The following PLEKHM2 variants were observed in gnomAD, a reference collection of about 807,000 sequenced individuals.
PLEKHM2 encodes the protein pleckstrin homology domain-containing family M member 2.
In PLEKHM2, 77 loss-of-function variants were observed where a neutral mutation model predicts 116.3. The ratio of observed to expected loss-of-function variants is 0.66; its 90% CI spans 0.55 to 0.80. The LOEUF (loss-of-function observed/expected upper bound fraction) is 0.80. Ranked by LOEUF, PLEKHM2 falls within the 30% of genes least tolerant of loss-of-function variation. The pLI, the probability that PLEKHM2 is intolerant of heterozygous loss-of-function variation, is 0.00. For missense variants in PLEKHM2, 1,183 were observed against 1,354.9 expected, an observed-to-expected ratio of 0.87 and a Z score of 1.99; for synonymous variants, 562 against 571.0, an observed-to-expected ratio of 0.98 and a Z score of 0.22.
At chr1:15,720,090 G>A (rs550750476) in intron 6 of PLEKHM2, among the ~76,000 whole-genome samples, 170 bp downstream of exon 6, 2 of 150,506 alleles carry the variant, frequency 1.3e-5, no homozygotes, top group South Asian at 2.1e-4. Flanking sequence ...AGTCCCTGTG[G>A]TGGCTAAAAA....
rs1057217604 is a variant in PLEKHM2 at position 15,727,724 on chromosome 1, G to T, written c.1652G>T (p.Cys551Phe). The T allele has an allele frequency of 6.3e-7, 1 of 1,598,032 alleles. No individual in the cohort carries two copies. The highest frequency in any genetic ancestry group is 1.1e-5 in the South Asian group (1 of 88,174). The change falls in exon 9 of 20, where the codon TGC (cysteine) becomes TTC (phenylalanine). Residue 551 changes from cysteine to phenylalanine, a missense_variant. Transcript: ENST00000375799. This position sits in a 1 kb window ranked among gnomAD's most constrained non-coding sequence, Gnocchi z 7.5. ...EPEPGTQEVL[C>F]QLKRDQPSPC... ...GAGCCTGGGACCCAGGAGGTTCTCT[G>T]CCAGCTCAAGCGAGACCAGCCCAGC...
chr1:15,705,234 A>G (rs1641202304), intron 1 of PLEKHM2, among the ~76,000 whole-genome samples: 1 of 128,948 alleles, frequency 7.8e-6, no homozygotes, highest in Non-Finnish European at 1.5e-5. Flanking sequence ...GTTGGAGTGC[A>G]GTGGTGCAAT....
rs1641438569 is a variant in PLEKHM2 at position 15,716,179 on chromosome 1, C to T, written c.61-58C>T. 3.6e-6 allele frequency: 4 copies of T among 1,099,612 alleles called. No individual in the cohort carries two copies. In the East Asian group the frequency reaches 7.7e-5, roughly 21 times the overall value. 68.1% of individuals were successfully genotyped at this position (1,099,612 alleles called of 1,614,324 possible). A position where few individuals can be genotyped will look rare whatever the true frequency, so the allele number is the denominator to read the frequency against. On this transcript the variant is annotated intron_variant, in intron 1 of 19. Transcript: ENST00000375799. ...TTTAGCTACCTTCTTGATTCCAGAA[C>T]TTTTGTAGCCTTCCTCTTAATCCAT...
chr1:15,715,698 G>A (rs1641430499), intron 1 of PLEKHM2, among the ~76,000 whole-genome samples: 1 of 152,134 alleles, frequency 6.6e-6, no homozygotes, highest in Non-Finnish European at 1.5e-5. Context: ...ATATGACTGG[G>A]AAAAATGGGA....
intron 7 of PLEKHM2, among the ~76,000 whole-genome samples, chr1:15,723,974 C>A (rs2068027975): frequency 6.6e-6 from 1 of 152,232 alleles, no homozygotes; most frequent in Admixed American, 6.5e-5. Flanking sequence ...CAGGCAGTTT[C>A]ACCAGCTGGG....
chr1:15,727,229 G>GCGAGCGCTC lies in PLEKHM2; in HGVS notation c.1163_1171dup (p.Arg388_Glu390dup). 6.2e-7 allele frequency: 1 copy of GCGAGCGCTC among 1,605,136 alleles called. No homozygotes were observed. The highest frequency in any genetic ancestry group is 8.5e-7 in the Non-Finnish European group (1 of 1,176,964). On this transcript the variant is annotated inframe_insertion, in exon 9 of 20. Coordinates refer to ENST00000375799, the MANE Select transcript of PLEKHM2 (RefSeq NM_015164.4). This position sits in a 1 kb window ranked among gnomAD's most constrained non-coding sequence, Gnocchi z 7.5. The stretch of plus-strand genomic sequence containing the variant: ...GGGCCGAGCAGCACCACGGAGAGCA[G>GCGAGCGCTC]CGAGCGCTCCGAGCCGGGCCTGCTG...
rs1258506583 is a variant in PLEKHM2 at position 15,732,223 on chromosome 1, CTCCCGA to C, written c.2626-122_2626-117del. The C allele has an allele frequency of 1.7e-4, 164 of 978,004 alleles. 1 individual carries two copies. The highest frequency in any genetic ancestry group is 7.4e-5 in the Non-Finnish European group (49 of 661,930). 60.6% of individuals were successfully genotyped at this position (978,004 alleles called of 1,614,324 possible). ...GGCATCACCCCCATCCCCGCCTCTG[CTCCCGA>C]TCCCTGGAGGGAGATCCCTGGAGGG... On this transcript the variant is annotated intron_variant, in intron 17 of 19. Coordinates refer to ENST00000375799, the MANE Select transcript of PLEKHM2 (RefSeq NM_015164.4).
chr1:15,724,467 G>A (rs1168956512), intron 7 of PLEKHM2, among the ~76,000 whole-genome samples: 1 of 150,730 alleles, frequency 6.6e-6, no homozygotes, highest in Non-Finnish European at 1.5e-5. Context: ...TGGCGACAGA[G>A]AGAGACTCCG....
At chr1:15,698,881 G>GT (rs1367992267) in intron 1 of PLEKHM2, among the ~76,000 whole-genome samples, 1 of 152,112 alleles carries the variant, frequency 6.6e-6, no homozygotes, top group Non-Finnish European at 1.5e-5. Context: ...TAGCCTCATT[G>GT]TTTTTGAATT....
At chr1:15,691,062 G>T (rs1219224611) in intron 1 of PLEKHM2, among the ~76,000 whole-genome samples, 2 of 152,166 alleles carry the variant, frequency 1.3e-5, no homozygotes, top group Non-Finnish European at 2.9e-5. Context: ...AATGAAAAAT[G>T]ATTCTTTTTG....
In PLEKHM2 at chr1:15,684,475, GCGGCCCC is replaced by G. The variant is rs1185792425; in HGVS notation, c.-72_-66del. The G allele has an allele frequency of 1.8e-5, 14 of 793,588 alleles. No individual in the cohort carries two copies. The highest frequency in any genetic ancestry group is 2.0e-5 in the Non-Finnish European group (13 of 654,004). The allele number at this position is 793,588 out of a possible 1,614,324, so 49.2% of individuals were successfully genotyped here. On this transcript the variant is annotated 5_prime_UTR_variant, in exon 1 of 20. Coordinates refer to ENST00000375799, the MANE Select transcript of PLEKHM2 (RefSeq NM_015164.4). ...GTACGGCCGGCGGCAGCGGTTGGCG[GCGGCCCC>G]CGGCCCCCGGCGCGGGAAGCGGCGG...
chr1:15,734,595 G>A lies in PLEKHM2; in HGVS notation c.*661G>A, dbSNP rs2068198210. 6.6e-6 allele frequency: 1 copy of A among 152,492 alleles called. No homozygotes were observed. The highest frequency in any genetic ancestry group is 2.4e-5 in the African/African-American group (1 of 41,452). 9.4% of individuals were successfully genotyped at this position (152,492 alleles called of 1,614,324 possible). A position where few individuals can be genotyped will look rare whatever the true frequency, so the allele number is the denominator to read the frequency against. ...CGAGGAGCAAAGGGGGTGGATGGGG[G>A]GCTTGGAGAAGGGCGGAGCCCACCA... On this transcript the variant is annotated 3_prime_UTR_variant, in exon 20 of 20. Transcript: ENST00000375799.
intron 1 of PLEKHM2, among the ~76,000 whole-genome samples, chr1:15,686,648 A>ATTT (rs1233033159): frequency 7.5e-5 from 10 of 134,216 alleles, no homozygotes; most frequent in African/African-American, 2.4e-4. Context: ...ACCCGGCTAA[A>ATTT]TTTTTTTTTT....
At chr1:15,723,769 A>T (rs1046762033) in intron 7 of PLEKHM2, among the ~76,000 whole-genome samples, 121 of 142,402 alleles carry the variant, frequency 8.5e-4, no homozygotes, top group Middle Eastern at 3.6e-3. Context: ...AAAAAAAAAA[A>T]GGACGGTGTG....
At chr1:15,724,872 G>A (rs548758092) in intron 7 of PLEKHM2, among the ~76,000 whole-genome samples, 3 of 152,252 alleles carry the variant, frequency 2.0e-5, no homozygotes, top group South Asian at 2.1e-4. Flanking sequence ...TGGGGTATGG[G>A]GCTAACGGGG....
At chr1:15,714,348 TAAAAAAAA>T (rs764341573) in intron 1 of PLEKHM2, among the ~76,000 whole-genome samples, 1 of 110,236 alleles carries the variant, frequency 9.1e-6, no homozygotes, top group Admixed American at 1.0e-4. Flanking sequence ...ATTTTGAAAT[TAAAAAAAA>T]AAAAAAAAAA....
Position 15,720,400 on chromosome 1 carries a change from G to A in PLEKHM2, c.652+480G>A, listed in dbSNP as rs1391232996. 16 of 985,060 alleles carry A rather than the reference G, an allele frequency of 1.6e-5. No homozygotes were observed. In the Admixed American group the frequency reaches 1.8e-4, roughly 11 times the overall value. 61.0% of individuals were successfully genotyped at this position (985,060 alleles called of 1,614,324 possible). A position where few individuals can be genotyped will look rare whatever the true frequency, so the allele number is the denominator to read the frequency against. ...CCTTGCCACTGTGTCCTGTGTGTCC[G>A]TCCGATTTCTCTGAGTTCCTTCTGC... On this transcript the variant is annotated intron_variant, in intron 6 of 19. Coordinates refer to ENST00000375799, the MANE Select transcript of PLEKHM2 (RefSeq NM_015164.4).
intron 7 of PLEKHM2, among the ~76,000 whole-genome samples, chr1:15,722,181 T>A (rs1164992503): frequency 6.6e-6 from 1 of 152,256 alleles, no homozygotes; most frequent in Non-Finnish European, 1.5e-5. Context: ...TCTCGCTCTG[T>A]TGCTCAGGCT....
intron 1 of PLEKHM2, among the ~76,000 whole-genome samples, chr1:15,696,421 G>A (rs1640997678): frequency 6.6e-6 from 1 of 152,124 alleles, no homozygotes; most frequent in South Asian, 2.1e-4. Context: ...CACAATCTTG[G>A]CTCACTGCAA....
Sources: gnomAD v4.1 joint callset for allele counts (sites outside exome capture counted in the v4.1 genomes callset) on GRCh38, gnomAD v4.1.1 for gene constraint, Gnocchi (gnomAD v3.1) non-coding constraint, MANE v1.5 for transcripts, NCBI Gene and HGNC (gene_info 2026-07-23, HGNC 2026-07-21) for gene names.